Variants in XYLT1 observed in about 807,000 individuals in gnomAD.
XYLT1 encodes the protein beta-D-xylosyltransferase 1.
In XYLT1, 36 loss-of-function variants were observed where a neutral mutation model predicts 91.3. The observed-to-expected ratio is 0.39, with a 90% CI of 0.30 to 0.52. XYLT1 has a LOEUF of 0.52. XYLT1 is among the 20% of genes least tolerant of loss of function. The probability of loss-of-function intolerance (pLI) is 0.68; values close to 1 mark genes in which losing one functional copy is unlikely to be tolerated. For missense variants in XYLT1, 1,242 were observed against 1,284.5 expected (o/e 0.97, Z 0.51); for synonymous variants, 588 against 532.0 (o/e 1.11, Z -1.45).
intron 9 of XYLT1, 45 bp from the exon 10 acceptor site, chr16:17,127,906 A>G (rs1439771599): frequency 2.5e-6 from 4 of 1,572,316 alleles, no homozygotes; most frequent in South Asian, 1.2e-5. Context: ...GGTGTGTAGG[A>G]TCACAGTGAG....
chr16:17,433,452 T>A (rs1190803846), intron 1 of XYLT1, among the ~76,000 whole-genome samples: 1 of 152,226 alleles, frequency 6.6e-6, no homozygotes, highest in East Asian at 1.9e-4. Context: ...GGAAGCACGG[T>A]CGGGAAGGGT....
At chr16:17,263,801 C>A (rs1048195745) in intron 2 of XYLT1, among the ~76,000 whole-genome samples, 2 of 152,122 alleles carry the variant, frequency 1.3e-5, no homozygotes, top group Non-Finnish European at 2.9e-5. Flanking sequence ...CTCCGCCTCC[C>A]AGGTTCAAGT....
rs77771048 is a variant in XYLT1 at position 17,424,534 on chromosome 16, G to A, written c.363+45900C>T. 1.8e-3 allele frequency among the ~76,000 whole-genome samples: 271 copies of A among 152,236 alleles called. 5 individuals carry two copies. The East Asian group carries it at 0.029, about 16-fold the overall frequency. On this transcript the variant is annotated intron_variant, in intron 1 of 11. Transcript: ENST00000261381. Reference sequence around the variant, plus strand: ...AATATGAAGTAAATAAACCATGACCGGGGAGTGTTATGTGGATGCTGTAGA... The same window carrying A: ...AATATGAAGTAAATAAACCATGACCAGGGAGTGTTATGTGGATGCTGTAGA...
chr16:17,148,582 G>A lies in XYLT1; in HGVS notation c.1371-7213C>T, dbSNP rs182932471. On this transcript the variant is annotated intron_variant, in intron 6 of 11. Coordinates refer to ENST00000261381, the MANE Select transcript of XYLT1 (RefSeq NM_022166.4). ...GGCAATCAGGCAGTCACAGACTTTC[G>A]TTAACTAGGTATTGGATCCTTCTAA... is the stretch of plus-strand genomic sequence containing the variant. 1.3e-4 allele frequency among the ~76,000 whole-genome samples: 20 copies of A among 152,278 alleles called. No homozygotes were observed. In the East Asian group the frequency reaches 1.4e-3, roughly 10 times the overall value.
chr16:17,257,135 C>T (rs919261812), intron 3 of XYLT1, among the ~76,000 whole-genome samples: 1 of 152,178 alleles, frequency 6.6e-6, no homozygotes, highest in Non-Finnish European at 1.5e-5. Context: ...TACTGTGAAC[C>T]TTTGGCCACT....
At chr16:17,303,696 C>A (rs921717099) in intron 2 of XYLT1, among the ~76,000 whole-genome samples, 1 of 152,142 alleles carries the variant, frequency 6.6e-6, no homozygotes, top group Non-Finnish European at 1.5e-5. Flanking sequence ...TCATTTCACG[C>A]CACATGTCTG....
At position 17,107,193 on chromosome 16, in the gene XYLT1, A is replaced by T. The variant is rs1418125652; in HGVS notation, c.*1502T>A. On this transcript the variant is annotated 3_prime_UTR_variant, in exon 12 of 12. Coordinates refer to ENST00000261381, the MANE Select transcript of XYLT1 (RefSeq NM_022166.4). Reference sequence around the variant, plus strand: ...TGCGAGGCTTGGGATGGGGCAACACATCTGGCTAGGATTAGGACAAGTCAC... The same window carrying T: ...TGCGAGGCTTGGGATGGGGCAACACTTCTGGCTAGGATTAGGACAAGTCAC... 2 of 152,198 alleles carry T rather than the reference A, an allele frequency of 1.3e-5. No individual in the cohort carries two copies. The highest frequency in any genetic ancestry group is 4.8e-5 in the African/African-American group (2 of 41,456). 9.4% of individuals were successfully genotyped at this position (152,198 alleles called of 1,614,324 possible).
At chr16:17,238,433 T>C (rs2033282633) in intron 3 of XYLT1, among the ~76,000 whole-genome samples, 1 of 152,242 alleles carries the variant, frequency 6.6e-6, no homozygotes, top group African/African-American at 2.4e-5. Flanking sequence ...GCACAGTTTC[T>C]GTTGCAACCA....
Position 17,131,216 on chromosome 16 carries a change from T to C in XYLT1, c.2027+3257A>G, listed in dbSNP as rs117112166. Among the ~76,000 whole-genome samples the C allele has an allele frequency of 0.017, 935 of 56,626 alleles. 37 individuals carry two copies. The East Asian group carries it at 0.17, about 11-fold the overall frequency. The allele number at this position is 56,626 out of a possible 152,430, so 37.1% of individuals were successfully genotyped here. On this transcript the variant is annotated intron_variant, in intron 9 of 11. Coordinates refer to ENST00000261381, the MANE Select transcript of XYLT1 (RefSeq NM_022166.4). ...CCTCAAGTTACATCTACAGTCCCTG[T>C]AACCAAGGAGTGAGCACAAAAGCCC...
In XYLT1 at chr16:17,411,690, G is replaced by GCTAT. The variant is rs1270110648; in HGVS notation, c.364-53641_364-53640insATAG. On this transcript the variant is annotated intron_variant, in intron 1 of 11. Transcript: ENST00000261381. ...TTCTGGGACCTCTGATCTCTTAATA[G>GCTAT]TTGTAGTTCAACAAGAGCAGTTGTG... Among the ~76,000 whole-genome samples the GCTAT allele has an allele frequency of 2.0e-5, 3 of 152,282 alleles. No individual in the cohort carries two copies. The East Asian group carries it at 5.8e-4, about 29-fold the overall frequency.
intron 1 of XYLT1, among the ~76,000 whole-genome samples, chr16:17,433,984 G>A (rs944624687): frequency 2.0e-5 from 3 of 152,002 alleles, no homozygotes; most frequent in African/African-American, 7.2e-5. Flanking sequence ...AATCCATTTG[G>A]CGCCTTTAAC....
At chr16:17,198,907 G>A (rs976159315) in intron 4 of XYLT1, among the ~76,000 whole-genome samples, 5 of 152,114 alleles carry the variant, frequency 3.3e-5, no homozygotes, top group African/African-American at 1.2e-4. Context: ...ACCACGCCCA[G>A]CTAAGTCTTG....
intron 1 of XYLT1, among the ~76,000 whole-genome samples, chr16:17,400,586 T>C (rs866098677): frequency 2.3e-4 from 26 of 114,250 alleles, no homozygotes; most frequent in Admixed American, 4.4e-4. Context: ...AGAGACTCCA[T>C]CTCAAAAAAA....
At chr16:17,129,089 A>AC (rs1207865417) in intron 9 of XYLT1, among the ~76,000 whole-genome samples, 2,002 of 140,854 alleles carry the variant, frequency 0.014, 62 homozygotes, top group African/African-American at 0.047. Flanking sequence ...AAAAAAAAAA[A>AC]AAAAAAAACT....
intron 2 of XYLT1, among the ~76,000 whole-genome samples, chr16:17,301,517 G>A (rs1033047986): frequency 6.6e-5 from 10 of 152,284 alleles, no homozygotes; most frequent in African/African-American, 2.4e-4. Context: ...TCACAAGGGA[G>A]AATTTATATT....
intron 8 of XYLT1, among the ~76,000 whole-genome samples, chr16:17,136,630 C>A (rs2030732097): frequency 6.6e-6 from 1 of 152,214 alleles, no homozygotes; most frequent in South Asian, 2.1e-4. Flanking sequence ...AGGGGCAGAA[C>A]AAACTCCTTT....
intron 2 of XYLT1, among the ~76,000 whole-genome samples, chr16:17,281,918 C>T (rs572515179): frequency 8.5e-5 from 13 of 152,136 alleles, no homozygotes; most frequent in Non-Finnish European, 1.6e-4. Flanking sequence ...ACCTGAGATT[C>T]CATTACAGGG....
intron 11 of XYLT1, among the ~76,000 whole-genome samples, chr16:17,112,123 CA>C (rs539158544): frequency 6.6e-6 from 1 of 152,038 alleles, no homozygotes; most frequent in South Asian, 2.1e-4. Context: ...GTGGTTGATG[CA>C]AAAAAACCCT....
At chr16:17,120,414 C>T (rs934729248) in intron 10 of XYLT1, among the ~76,000 whole-genome samples, 3 of 152,044 alleles carry the variant, frequency 2.0e-5, no homozygotes, top group Non-Finnish European at 4.4e-5. Flanking sequence ...CTCCTTGCTC[C>T]AGGCCACCCT....
Sources: gnomAD v4.1 joint callset for allele counts (sites outside exome capture counted in the v4.1 genomes callset) on GRCh38, gnomAD v4.1.1 for gene constraint, MANE v1.5 for transcripts, NCBI Gene and HGNC (gene_info 2026-07-23, HGNC 2026-07-21) for gene names.